The following RHPN1 variants were observed in gnomAD, a reference collection of about 807,000 sequenced individuals.
RHPN1 encodes rhophilin-1.
In RHPN1, 77 loss-of-function variants were observed where a neutral mutation model predicts 74.7. The observed-to-expected ratio is 1.03, with a 90% CI of 0.86 to 1.25. RHPN1 has a LOEUF of 1.25. Ranked by LOEUF, RHPN1 falls within the 50% of genes most tolerant of loss-of-function variation. The pLI is 0.00. For synonymous variants in RHPN1, 444 were observed against 414.5 expected, an observed-to-expected ratio of 1.07 and a Z score of -0.87; for missense variants, 987 against 932.2, an observed-to-expected ratio of 1.06 and a Z score of -0.77.
intron 14 of RHPN1, 81 bp from the exon 15 acceptor site, chr8:143,382,355 G>T (rs1818799209): frequency 1.5e-6 from 2 of 1,295,996 alleles, no homozygotes; most frequent in Admixed American, 4.1e-5. Context: ...CTCCCAGGTG[G>T]TTCTCACCCC....
intron 3 of RHPN1, 113 bp from the exon 4 acceptor site, chr8:143,377,267 C>T: frequency 1.3e-6 from 1 of 767,580 alleles, no homozygotes; most frequent in East Asian, 2.7e-5. Context: ...CGCACGTGCA[C>T]ACCCATGAGG....
At chr8:143,380,303 TC>T (rs1818625708) in intron 10 of RHPN1, 128 bp downstream of exon 10, 2 of 736,590 alleles carry the variant, frequency 2.7e-6, no homozygotes, top group Non-Finnish European at 4.3e-6. Context: ...CACCTACCTA[TC>T]CCTGGATGGC....
At chr8:143,376,932 G>C (rs1358307611) in intron 3 of RHPN1, among the ~76,000 whole-genome samples, 1 of 149,850 alleles carries the variant, frequency 6.7e-6, no homozygotes, top group Non-Finnish European at 1.5e-5. Flanking sequence ...GCATGTGTCT[G>C]TGTGTGCATC....
Position 143,375,899 on chromosome 8 carries a change from C to A in RHPN1, c.176+231C>A, listed in dbSNP as rs572952525. ...GGTGCCAGGAAACCAGTGTCCCTGC[C>A]GGGTGTGCAGCTTGGGAAGCCCCAA... is the stretch of plus-strand genomic sequence containing the variant. On this transcript the variant is annotated intron_variant, in intron 2 of 14. Coordinates refer to ENST00000289013, the MANE Select transcript of RHPN1 (RefSeq NM_052924.3). Among the ~76,000 whole-genome samples the A allele has an allele frequency of 2.3e-4, 35 of 152,354 alleles. 1 individual carries two copies. The South Asian group carries it at 3.3e-3, about 14-fold the overall frequency.
chr8:143,376,741 C>A (rs1818253104), intron 3 of RHPN1, 88 bp downstream of exon 3: 1 of 1,411,292 alleles, frequency 7.1e-7, no homozygotes, highest in Non-Finnish European at 9.6e-7. Flanking sequence ...ATGTGTGTCT[C>A]TGTGTGTATA....
In RHPN1 at chr8:143,379,371, G is replaced by C; in HGVS notation, c.808G>C (p.Ala270Pro). The C allele has an allele frequency of 1.9e-6, 3 of 1,603,614 alleles. No individual in the cohort carries two copies. The highest frequency in any genetic ancestry group is 2.6e-6 in the Non-Finnish European group (3 of 1,175,514). ...FSHAPSPDMS[A>P]ASLCALEQLM... ...CCATGCGCCGAGCCCAGACATGAGC[G>C]CTGCGTCCCTCTGCGCACTGGAGCA... Residue 270 changes from alanine (A) to proline (P), a missense_variant, in exon 8 of 15, where the codon GCT becomes CCT. Coordinates refer to ENST00000289013, the MANE Select transcript of RHPN1 (RefSeq NM_052924.3).
chr8:143,376,970 C>G (rs868103067), intron 3 of RHPN1, among the ~76,000 whole-genome samples: 33 of 147,850 alleles, frequency 2.2e-4, no homozygotes, highest in African/African-American at 6.0e-4. Flanking sequence ...GTGCACGTGT[C>G]TGCGTGCGTG....
At chr8:143,371,324 G>T (rs1405806910) in intron 1 of RHPN1, among the ~76,000 whole-genome samples, 1 of 152,140 alleles carries the variant, frequency 6.6e-6, no homozygotes, top group Non-Finnish European at 1.5e-5. Flanking sequence ...TTGCATTCAG[G>T]TGAGACTTCA....
At chr8:143,377,170 GTCTC>G (rs915465511) in intron 3 of RHPN1, among the ~76,000 whole-genome samples, 1 of 152,190 alleles carries the variant, frequency 6.6e-6, no homozygotes, top group African/African-American at 2.4e-5. Flanking sequence ...GCATGTGTGT[GTCTC>G]TGTGTGTGTG....
rs1381238458 is a variant in RHPN1 at position 143,378,963 on chromosome 8, G to A, written c.636G>A (p.Glu212=). 4 of 1,568,264 alleles carry A rather than the reference G, an allele frequency of 2.6e-6. No individual in the cohort carries two copies. In the Admixed American group the frequency reaches 7.4e-5, roughly 29 times the overall value. ...CCCAGCAGCGTGCCCTGGCCTTCGA[G>A]AAGGGCAGCGTTCTCTTCAACATCG... ...VPAQQRALAF[E]KGSVLFNIGA... The change falls in exon 7 of 15, where the codon GAG becomes GAA. Residue 212 remains glutamate, a synonymous_variant. Coordinates refer to ENST00000289013, the MANE Select transcript of RHPN1 (RefSeq NM_052924.3).
Position 143,369,039 on chromosome 8 carries a change from C to T in RHPN1, c.52C>T (p.Arg18Trp), listed in dbSNP as rs1452773278. 4 of 1,494,148 alleles carry T rather than the reference C, an allele frequency of 2.7e-6. No individual in the cohort carries two copies. Among genetic ancestry groups the T allele is most frequent in the Middle Eastern group, 4.7e-4 (2 of 4,276 alleles). 92.6% of individuals were successfully genotyped at this position (1,494,148 alleles called of 1,614,324 possible). Residue 18 changes from arginine (R) to tryptophan (W), a missense_variant, in exon 1 of 15, where the codon CGG becomes TGG. Arg to Trp is a moderately radical substitution (Grantham distance 101). Coordinates refer to ENST00000289013, the MANE Select transcript of RHPN1 (RefSeq NM_052924.3). ...CGCGGGCGCCGGCGAGGAGAGCCCG[C>T]GGCTGCAGGTGCGCAGAACTGGCGC... The part of the protein sequence containing the change: ...DGAGAGEESP[R>W]LQGCDSLTQI...
chr8:143,364,706 C>T (rs868796936), upstream of RHPN1, among the ~76,000 whole-genome samples: 1 of 152,064 alleles, frequency 6.6e-6, no homozygotes, highest in Non-Finnish European at 1.5e-5. This position sits in a 1 kb window ranked among gnomAD's most constrained non-coding sequence, Gnocchi z 4.5. Flanking sequence ...TTGATGGCCC[C>T]GTCTCACCGG....
chr8:143,372,455 G>A (rs981887786), intron 1 of RHPN1, among the ~76,000 whole-genome samples: 7 of 152,120 alleles, frequency 4.6e-5, no homozygotes, highest in South Asian at 2.1e-4. Context: ...AGTGAGAAAC[G>A]GGAGCAGGGT....
chr8:143,366,522 C>G (rs1817558655), upstream of RHPN1: 1 of 151,956 alleles, frequency 6.6e-6, no homozygotes, highest in Non-Finnish European at 1.5e-5. Flanking sequence ...CACACACACA[C>G]ACACACACAC....
Position 143,376,893 on chromosome 8 carries a change from C to T in RHPN1, c.305+240C>T, listed in dbSNP as rs368631705. Reference sequence around the variant, plus strand: ...ATATGTGTGTGCATGTGTGTGCATGCGTCTGTGTGCGCGTGTGTCTGTGTG... The same window carrying T: ...ATATGTGTGTGCATGTGTGTGCATGTGTCTGTGTGCGCGTGTGTCTGTGTG... On this transcript the variant is annotated intron_variant, in intron 3 of 14. Coordinates refer to ENST00000289013, the MANE Select transcript of RHPN1 (RefSeq NM_052924.3). 4.1e-4 allele frequency among the ~76,000 whole-genome samples: 13 copies of T among 32,092 alleles called. No homozygotes were observed. The East Asian group carries it at 9.7e-3, about 24-fold the overall frequency. The allele number at this position is 32,092 out of a possible 152,430, so 21.1% of individuals were successfully genotyped here.
At chr8:143,368,871 CGGGCACTCAGGAGCCCGCGGCCCA>C (rs1817643725) in exon 1 of RHPN1, 1 of 639,040 alleles carries the variant, frequency 1.6e-6, no homozygotes. Flanking sequence ...GGGACCGGCG[CGGGCACTCAGGAGCCCGCGGCCCA>C]GGTGGTGCGG....
intron 11 of RHPN1, 97 bp from the exon 12 acceptor site, chr8:143,381,171 G>T: frequency 9.8e-7 from 1 of 1,024,258 alleles, no homozygotes. Context: ...CAGAAGCGGG[G>T]CCTGTGTGCA....
At position 143,376,513 on chromosome 8, in the gene RHPN1, G is replaced by A. The variant is rs753891312; in HGVS notation, c.177-12G>A. ...TTGGGGCTGGGCTTTCAACTGCCGC[G>A]GCCTCCCTCAGAGCCACCAGCAACA... On this transcript the variant is annotated splice_polypyrimidine_tract_variant and intron_variant, in intron 2 of 14. Transcript: ENST00000289013. 7.0e-5 allele frequency: 113 copies of A among 1,611,400 alleles called. 1 individual carries two copies. The highest frequency in any genetic ancestry group is 2.3e-4 in the South Asian group (21 of 90,924).
chr8:143,380,450 C>A, intron 10 of RHPN1, 139 bp from the exon 11 acceptor site: 1 of 785,042 alleles, frequency 1.3e-6, no homozygotes, highest in Non-Finnish European at 2.0e-6. Flanking sequence ...GCACAGCCAG[C>A]TCCTCACCCC....
Sources: allele counts gnomAD v4.1 joint callset (sites outside exome capture counted in the v4.1 genomes callset), GRCh38; gene constraint gnomAD v4.1.1; non-coding constraint Gnocchi (gnomAD v3.1); transcripts MANE v1.5; gene names NCBI Gene and HGNC (gene_info 2026-07-23, HGNC 2026-07-21).